TBC1D2: variants seen among roughly 807,000 people sequenced by gnomAD.
TBC1D2 encodes the protein TBC1 domain family member 2.
A neutral mutation model predicts 91.1 loss-of-function variants in TBC1D2; 58 were observed. The observed-to-expected ratio is 0.64, with a 90% confidence interval of 0.52 to 0.79. The LOEUF (loss-of-function observed/expected upper bound fraction) is 0.79. TBC1D2 is among the 30% of genes least tolerant of loss of function. TBC1D2 has a pLI of 0.00. For missense variants in TBC1D2, 1,080 were observed against 1,208.3 expected (o/e 0.89, Z 1.57); for synonymous variants, 482 against 511.5 (o/e 0.94, Z 0.78).
At position 98,255,624 on chromosome 9, in the gene TBC1D2, C is replaced by T. The variant is rs1829961896; in HGVS notation, c.-83G>A. ...TCTCGGAGACTCGGCGGGCAGCTTC[C>T]CAAAGGGAGACACCTGGGCGGGGGC... On this transcript the variant is annotated 5_prime_UTR_variant, in exon 1 of 13. Transcript: ENST00000465784. The T allele has an allele frequency of 1.4e-6, 2 of 1,401,104 alleles. No individual in the cohort carries two copies. The highest frequency in any genetic ancestry group is 1.8e-6 in the Non-Finnish European group (2 of 1,081,562). 86.8% of individuals were successfully genotyped at this position (1,401,104 alleles called of 1,614,324 possible).
At chr9:98,254,341 AC>A (rs1829930955) in intron 1 of TBC1D2, among the ~76,000 whole-genome samples, 1 of 152,190 alleles carries the variant, frequency 6.6e-6, no homozygotes, top group African/African-American at 2.4e-5. Context: ...TGCTTATGCA[AC>A]AAAAAATTAT....
rs1222697039 is a variant in TBC1D2, at chr9:98,233,399, C to A, written c.781+17G>T. On this transcript the variant is annotated intron_variant, in intron 4 of 12. Transcript: ENST00000465784. ...AGCTGGTCCCTGAAGGCAGCTCAGC[C>A]CTGGACAGAGGCTCACCTGGGGTGC... 5.6e-6 allele frequency: 9 copies of A among 1,612,190 alleles called. No individual in the cohort carries two copies. In the East Asian group the frequency reaches 2.0e-4, roughly 36 times the overall value.
Position 98,210,852 on chromosome 9 carries a change from A to AGG in TBC1D2, c.1486-11_1486-10dup. ...GCTTGGAGGTAGGCGCACTGCAAAC[A>AGG]GGGAAAGGCTGGTCAGGCTACCGGG... On this transcript the variant is annotated splice_polypyrimidine_tract_variant and intron_variant, in intron 7 of 12. Transcript: ENST00000465784. 1 of 1,549,592 alleles carries AGG rather than the reference A, an allele frequency of 6.5e-7. No individual in the cohort carries two copies. The highest frequency in any genetic ancestry group is 1.2e-5 in the South Asian group (1 of 83,830).
At chr9:98,207,983 G>A (rs1265924971) in intron 9 of TBC1D2, among the ~76,000 whole-genome samples, 1 of 152,132 alleles carries the variant, frequency 6.6e-6, no homozygotes, top group East Asian at 1.9e-4. Context: ...CATTTAGAAA[G>A]TCTCTTTTCC....
chr9:98,222,112 A>T (rs1829115384), intron 5 of TBC1D2, among the ~76,000 whole-genome samples: 1 of 152,210 alleles, frequency 6.6e-6, no homozygotes, highest in African/African-American at 2.4e-5. Flanking sequence ...GGCCCAGCAG[A>T]GAGTAGAATG....
intron 2 of TBC1D2, among the ~76,000 whole-genome samples, chr9:98,244,871 T>G (rs1829732524): frequency 1.3e-5 from 2 of 152,108 alleles, no homozygotes; most frequent in Non-Finnish European, 1.5e-5. Context: ...TATTAATCAT[T>G]CAAAACAATG....
intron 4 of TBC1D2, among the ~76,000 whole-genome samples, chr9:98,232,332 C>CTGTT (rs1457378153): frequency 1.2e-4 from 8 of 68,430 alleles, no homozygotes; most frequent in African/African-American, 9.1e-4. Context: ...TTTCTTCTTT[C>CTGTT]TCTTTTTCTG....
Position 98,228,867 on chromosome 9 carries a change from A to G in TBC1D2, c.978+85T>C, listed in dbSNP as rs1159016044. On this transcript the variant is annotated intron_variant, in intron 5 of 12. Transcript: ENST00000465784. This position sits in a 1 kb window ranked among gnomAD's most constrained non-coding sequence, Gnocchi z 4.0. ...GAGTAGCTGGTGCCCAGCACGGCTAATGCGTCCCATCTAGCTTATCCGAAA... is the reference window on the plus strand; with the variant it reads ...GAGTAGCTGGTGCCCAGCACGGCTAGTGCGTCCCATCTAGCTTATCCGAAA... 2 of 1,342,958 alleles carry G rather than the reference A, an allele frequency of 1.5e-6. No homozygotes were observed. The highest frequency in any genetic ancestry group is 2.1e-6 in the Non-Finnish European group (2 of 971,258). 83.2% of individuals were successfully genotyped at this position (1,342,958 alleles called of 1,614,324 possible). A position where few individuals can be genotyped will look rare whatever the true frequency, so the allele number is the denominator to read the frequency against.
In TBC1D2 at chr9:98,200,335, C is replaced by T; in HGVS notation, c.2497G>A (p.Glu833Lys). ...RYALAIFKYN[E>K]KEILRLQNGL... ...TTCTGTAGCCTCAAGATCTCCTTCT[C>T]GTTGTACTTGAAAATGGCCAAGGCA... Residue 833 changes from glutamate to lysine, a missense_variant, in exon 12 of 13, where the codon GAG (glutamate) becomes AAG (lysine). Glu to Lys is a moderately conservative substitution (Grantham distance 56). Coordinates refer to ENST00000465784, the MANE Select transcript of TBC1D2 (RefSeq NM_001267571.2). The T allele has an allele frequency of 2.5e-6, 4 of 1,611,266 alleles. No homozygotes were observed. The highest frequency in any genetic ancestry group is 1.7e-4 in the Middle Eastern group (1 of 6,052).
intron 3 of TBC1D2, among the ~76,000 whole-genome samples, chr9:98,243,605 C>T (rs905292470): frequency 6.0e-5 from 9 of 148,818 alleles, no homozygotes; most frequent in South Asian, 2.1e-4. Flanking sequence ...GGTGCAATCT[C>T]GGCTCACTGC....
At chr9:98,234,519 A>C (rs1321958363) in intron 3 of TBC1D2, among the ~76,000 whole-genome samples, 1 of 152,246 alleles carries the variant, frequency 6.6e-6, no homozygotes, top group Non-Finnish European at 1.5e-5. Context: ...AAATCAGTTT[A>C]GTGTCATGAC....
chr9:98,242,443 A>G (rs80113343), intron 3 of TBC1D2, among the ~76,000 whole-genome samples: 3 of 142,674 alleles, frequency 2.1e-5, no homozygotes, highest in Admixed American at 1.4e-4. Context: ...TCCATCTCCA[A>G]AAAAAAAAAA....
chr9:98,237,965 A>G (rs1829549372), intron 3 of TBC1D2, among the ~76,000 whole-genome samples: 2 of 146,776 alleles, frequency 1.4e-5, no homozygotes, highest in South Asian at 4.2e-4. Context: ...GTGCAGTGGC[A>G]CAATCATGGC....
chr9:98,255,326 G>T lies in TBC1D2; in HGVS notation c.216C>A (p.Asp72Glu), dbSNP rs372758153. Reference sequence around the variant, plus strand: ...AGTAATACAGCTGACATTTCCTTTCGTCGTAGAAGAACCAGCGGGATTTCC... The same window carrying T: ...AGTAATACAGCTGACATTTCCTTTCTTCGTAGAAGAACCAGCGGGATTTCC... ...RGWKSRWFFYDERKCQLYYSR... is the reference protein window; with the variant it reads ...RGWKSRWFFYEERKCQLYYSR... The change falls in exon 1 of 13, where the codon GAC becomes GAA. Residue 72 changes from aspartate (D) to glutamate (E), a missense_variant. Transcript: ENST00000465784. 3 of 1,614,226 alleles carry T rather than the reference G, an allele frequency of 1.9e-6. No individual in the cohort carries two copies. The South Asian group carries it at 3.3e-5, about 18-fold the overall frequency.
chr9:98,222,964 CCCAT>C (rs1262918441), intron 5 of TBC1D2, among the ~76,000 whole-genome samples: 98 of 152,232 alleles, frequency 6.4e-4, no homozygotes, highest in Non-Finnish European at 1.8e-4. Flanking sequence ...CTTCCACATG[CCCAT>C]CCATCCATCC....
intron 1 of TBC1D2, among the ~76,000 whole-genome samples, chr9:98,254,122 G>A (rs536968398): frequency 5.9e-5 from 9 of 152,280 alleles, no homozygotes; most frequent in Admixed American, 1.3e-4. Context: ...AACTGAACAC[G>A]TGGGCATCCA....
At chr9:98,232,632 T>C (rs1165892438) in intron 4 of TBC1D2, among the ~76,000 whole-genome samples, 2 of 152,138 alleles carry the variant, frequency 1.3e-5, no homozygotes, top group Non-Finnish European at 2.9e-5. Flanking sequence ...CTTAATTTTT[T>C]ACTCTGAAAA....
chr9:98,212,286 C>T (rs1307732615), intron 7 of TBC1D2, among the ~76,000 whole-genome samples: 2 of 152,180 alleles, frequency 1.3e-5, no homozygotes, highest in African/African-American at 4.8e-5. Flanking sequence ...CTCCTCAACT[C>T]CAGCCTCATG....
rs533500361 is a variant in TBC1D2, at chr9:98,243,257, C to CTATGA, written c.647+736_647+737insTCATA. 6.1e-3 allele frequency among the ~76,000 whole-genome samples: 933 copies of CTATGA among 151,962 alleles called. 11 individuals are homozygous for CTATGA. The highest frequency in any genetic ancestry group is 0.021 in the African/African-American group (869 of 41,394). On this transcript the variant is annotated intron_variant, in intron 3 of 12. Transcript: ENST00000465784. ...TGTATAGACATTTGTGAAACCATCA[C>CTATGA]TACATCACATTCAATATGATCTCAT...
Sources: gnomAD v4.1 joint callset for allele counts (sites outside exome capture counted in the v4.1 genomes callset) on GRCh38, gnomAD v4.1.1 for gene constraint, Gnocchi (gnomAD v3.1) non-coding constraint, MANE v1.5 for transcripts, NCBI Gene and HGNC (gene_info 2026-07-23, HGNC 2026-07-21) for gene names.